Variants in CAMTA1 observed in about 807,000 individuals in gnomAD.
The protein encoded by CAMTA1 is calmodulin-binding transcription activator 1.
A neutral mutation model predicts 170.9 loss-of-function variants in CAMTA1; 27 were observed. The ratio of observed to expected loss-of-function variants is 0.16; its 90% CI spans 0.12 to 0.22. The LOEUF (loss-of-function observed/expected upper bound fraction) is 0.22. CAMTA1 is among the 10% of genes least tolerant of loss of function. The pLI, the probability that CAMTA1 is intolerant of heterozygous loss-of-function variation, is 1.00. For missense variants in CAMTA1, 1,619 were observed against 2,217.2 expected (o/e 0.73, Z 5.42); for synonymous variants, 833 against 891.5 (o/e 0.93, Z 1.17).
chr1:7,509,082 C>A (rs1050007378), intron 6 of CAMTA1, among the ~76,000 whole-genome samples: 3 of 152,204 alleles, frequency 2.0e-5, no homozygotes, highest in African/African-American at 4.8e-5. Flanking sequence ...AAGATACTCA[C>A]CCCACTGGGA....
chr1:7,490,244 TGGA>T (rs1245523089), intron 6 of CAMTA1, among the ~76,000 whole-genome samples: 1 of 152,232 alleles, frequency 6.6e-6, no homozygotes, highest in Non-Finnish European at 1.5e-5. Context: ...GTGCACAATG[TGGA>T]GATGTGCTTT....
chr1:7,296,033 G>T (rs1462853239), intron 5 of CAMTA1, among the ~76,000 whole-genome samples: 1 of 152,220 alleles, frequency 6.6e-6, no homozygotes, highest in Non-Finnish European at 1.5e-5. Context: ...CGATCATGGG[G>T]TTGTTGGGAG....
chr1:6,791,283 A>G (rs894312934), intron 1 of CAMTA1, among the ~76,000 whole-genome samples: 8 of 152,178 alleles, frequency 5.3e-5, no homozygotes, highest in African/African-American at 1.9e-4. Context: ...GTAGCCTTTT[A>G]GTAAGAAGGG....
At chr1:7,514,987 A>T (rs964345312) in intron 6 of CAMTA1, among the ~76,000 whole-genome samples, 2 of 152,074 alleles carry the variant, frequency 1.3e-5, no homozygotes, top group Non-Finnish European at 1.5e-5. Flanking sequence ...TCCACCCAGG[A>T]TCATCAGGCC....
chr1:6,829,944 C>G (rs1403568199), intron 3 of CAMTA1, among the ~76,000 whole-genome samples: 3 of 152,194 alleles, frequency 2.0e-5, no homozygotes, highest in Non-Finnish European at 4.4e-5. Context: ...GGCAGACACT[C>G]ATTTCTTAGG....
rs999809954 is a variant in CAMTA1 at position 7,562,855 on chromosome 1, C to G, written c.511-77545C>G. Among the ~76,000 whole-genome samples the G allele has an allele frequency of 1.4e-4, 22 of 152,210 alleles. No individual in the cohort carries two copies. Among genetic ancestry groups the G allele is most frequent in the African/African-American group, 4.8e-4 (20 of 41,460 alleles). On this transcript the variant is annotated intron_variant, in intron 6 of 22. Transcript: ENST00000303635. The surrounding 1 kb of genome is among the most constrained non-coding windows in gnomAD (Gnocchi z 4.8). ...GCCCTCTAACCCCACCGCCCACTCA[C>G]CTGCAGCCTGTCAACAGCCAGCTCC... is the stretch of plus-strand genomic sequence containing the variant.
At chr1:6,945,826 A>G (rs937352729) in intron 3 of CAMTA1, among the ~76,000 whole-genome samples, 4 of 152,236 alleles carry the variant, frequency 2.6e-5, no homozygotes, top group Non-Finnish European at 4.4e-5. Flanking sequence ...TGTAGCGTGT[A>G]TCAGTACTTC....
At chr1:7,158,657 C>A (rs187286425) in intron 4 of CAMTA1, among the ~76,000 whole-genome samples, 3 of 152,038 alleles carry the variant, frequency 2.0e-5, no homozygotes, top group Non-Finnish European at 2.9e-5. Flanking sequence ...TGGATAGTTA[C>A]GAGATAGAGC....
intron 7 of CAMTA1, among the ~76,000 whole-genome samples, chr1:7,657,365 G>C (rs17376531): frequency 0.015 from 2,224 of 152,288 alleles, 32 homozygotes; most frequent in Non-Finnish European, 0.025. Context: ...CCTGAGAACG[G>C]GGAGTCAGGT....
intron 4 of CAMTA1, among the ~76,000 whole-genome samples, chr1:7,097,158 T>C (rs1334913111): frequency 6.6e-6 from 1 of 152,182 alleles, no homozygotes; most frequent in East Asian, 1.9e-4. Flanking sequence ...ACGTGCTTTG[T>C]TGTCGGTTGT....
intron 5 of CAMTA1, among the ~76,000 whole-genome samples, chr1:7,315,011 AAG>A (rs1276254634): frequency 5.3e-5 from 8 of 152,220 alleles, no homozygotes; most frequent in Admixed American, 4.6e-4. Context: ...TTCAGTGAAA[AAG>A]AGAGCAGGGA....
chr1:7,420,516 C>A (rs964294759), intron 5 of CAMTA1, among the ~76,000 whole-genome samples: 1 of 152,088 alleles, frequency 6.6e-6, no homozygotes, highest in African/African-American at 2.4e-5. Context: ...TAGTGAAGGA[C>A]TAAGGGAGTG....
intron 11 of CAMTA1, among the ~76,000 whole-genome samples, chr1:7,708,297 C>G (rs1466493872): frequency 6.6e-6 from 1 of 152,014 alleles, no homozygotes; most frequent in Non-Finnish European, 1.5e-5. Flanking sequence ...TGCCATTGCA[C>G]TCCATCCTGA....
intron 3 of CAMTA1, among the ~76,000 whole-genome samples, chr1:7,002,991 AT>A (rs1411452678): frequency 6.6e-6 from 1 of 152,204 alleles, no homozygotes. Context: ...AGCATGGTAA[AT>A]TGCTGTGCTC....
intron 3 of CAMTA1, among the ~76,000 whole-genome samples, chr1:6,902,061 AC>A (rs1677074072): frequency 1.9e-5 from 2 of 106,200 alleles, no homozygotes; most frequent in African/African-American, 3.4e-5. Context: ...ACACACACAC[AC>A]ACACACACAC....
chr1:7,538,301 G>A (rs2094571194), intron 6 of CAMTA1, among the ~76,000 whole-genome samples: 1 of 152,124 alleles, frequency 6.6e-6, no homozygotes. Flanking sequence ...AGCAGGCCAG[G>A]TCACAGGCTG....
chr1:7,503,949 G>A (rs1239070208), intron 6 of CAMTA1, among the ~76,000 whole-genome samples: 1 of 152,218 alleles, frequency 6.6e-6, no homozygotes. Flanking sequence ...GGCTGGGGGA[G>A]GGGAGTCAGG....
At chr1:7,352,782 C>T (rs2084785069) in intron 5 of CAMTA1, among the ~76,000 whole-genome samples, 1 of 152,148 alleles carries the variant, frequency 6.6e-6, no homozygotes. Context: ...AGTATCTCAC[C>T]TAGAGGTTAC....
chr1:7,196,881 G>C (rs1655619048), intron 4 of CAMTA1, among the ~76,000 whole-genome samples: 1 of 152,174 alleles, frequency 6.6e-6, no homozygotes, highest in African/African-American at 2.4e-5. Flanking sequence ...TCCAGTTTCA[G>C]TCCTCGGTTG....
Sources: gnomAD v4.1 joint callset for allele counts (sites outside exome capture counted in the v4.1 genomes callset) on GRCh38, gnomAD v4.1.1 for gene constraint, Gnocchi (gnomAD v3.1) non-coding constraint, MANE v1.5 for transcripts, NCBI Gene and HGNC (gene_info 2026-07-23, HGNC 2026-07-21) for gene names.